The following DUSP22 variants were observed in gnomAD, a reference collection of about 807,000 sequenced individuals.
The protein encoded by DUSP22 is dual specificity phosphatase 22.
In DUSP22, 24 loss-of-function variants were observed where a neutral mutation model predicts 24.5. The ratio of observed to expected loss-of-function variants is 0.98; its 90% CI spans 0.71 to 1.38. The LOEUF (loss-of-function observed/expected upper bound fraction) is 1.38. DUSP22 is among the 40% of genes most tolerant of loss of function. DUSP22 has a pLI of 0.00. For synonymous variants in DUSP22, 160 were observed against 106.4 expected (o/e 1.50, Z -3.10); for missense variants, 330 against 269.2 (o/e 1.23, Z -1.58).
Position 350,616 on chromosome 6 carries a change from A to G in DUSP22, c.*1665A>G, listed in dbSNP as rs958141907. ...CCCGGAAAGGGGAGTGTGGCTGTAG[A>G]ATCATCCATCCGTCTACAGCTAAAA... On this transcript the variant is annotated 3_prime_UTR_variant, in exon 7 of 7. Transcript: ENST00000419235. The G allele has an allele frequency of 4.8e-6, 7 of 1,448,538 alleles. No homozygotes were observed. The highest frequency in any genetic ancestry group is 6.3e-6 in the Non-Finnish European group (7 of 1,103,310). 89.7% of individuals were successfully genotyped at this position (1,448,538 alleles called of 1,614,324 possible). A position where few individuals can be genotyped will look rare whatever the true frequency, so the allele number is the denominator to read the frequency against.
intron 5 of DUSP22, among the ~76,000 whole-genome samples, chr6:347,478 G>T (rs1050112079): frequency 6.6e-6 from 1 of 152,304 alleles, no homozygotes; most frequent in African/African-American, 2.4e-5. Context: ...TGTAAAACGG[G>T]TCTCACTCAG....
At chr6:295,861 AT>A (rs1757304286) in intron 1 of DUSP22, among the ~76,000 whole-genome samples, 1 of 151,020 alleles carries the variant, frequency 6.6e-6, no homozygotes, top group African/African-American at 2.4e-5. Context: ...TTAACACTTT[AT>A]AAAATCTCAG....
chr6:342,221 G>A (rs1246933465), intron 4 of DUSP22, among the ~76,000 whole-genome samples: 2 of 152,418 alleles, frequency 1.3e-5, no homozygotes, highest in Non-Finnish European at 2.9e-5. Context: ...ATTTACTCAG[G>A]CGGTCGTCAT....
intron 3 of DUSP22, among the ~76,000 whole-genome samples, chr6:334,171 G>A (rs1759263627): frequency 6.6e-6 from 1 of 152,304 alleles, no homozygotes; most frequent in Non-Finnish European, 1.5e-5. Context: ...ATTCTCCAAG[G>A]TTGGCTACTT....
intron 2 of DUSP22, among the ~76,000 whole-genome samples, chr6:309,807 T>C (rs1757990003): frequency 1.3e-5 from 2 of 152,426 alleles, no homozygotes; most frequent in Middle Eastern, 6.8e-3. Flanking sequence ...CTGCCATGTG[T>C]TTGTCTCTGC....
intron 3 of DUSP22, among the ~76,000 whole-genome samples, chr6:328,978 C>G (rs1292706513): frequency 6.6e-6 from 1 of 152,304 alleles, no homozygotes; most frequent in Non-Finnish European, 1.5e-5. Context: ...ATAATTTCTA[C>G]AAATGTTATG....
At chr6:293,379 A>G (rs1328405189) in intron 1 of DUSP22, among the ~76,000 whole-genome samples, 3 of 152,282 alleles carry the variant, frequency 2.0e-5, no homozygotes, top group African/African-American at 4.8e-5. Context: ...GTTACTTGGT[A>G]CTTGGCTGGT....
At chr6:323,335 T>G (rs1758698827) in intron 3 of DUSP22, among the ~76,000 whole-genome samples, 1 of 152,306 alleles carries the variant, frequency 6.6e-6, no homozygotes, top group East Asian at 1.9e-4. Flanking sequence ...TCACCGCAGC[T>G]ACTGCCAGCG....
At chr6:322,201 A>G (rs564705487) in intron 3 of DUSP22, among the ~76,000 whole-genome samples, 2 of 152,428 alleles carry the variant, frequency 1.3e-5, no homozygotes, top group South Asian at 4.1e-4. Flanking sequence ...AAATAAAACC[A>G]TGGGAGAAAA....
At chr6:343,029 G>A (rs941798453) in intron 4 of DUSP22, among the ~76,000 whole-genome samples, 10 of 150,008 alleles carry the variant, frequency 6.7e-5, no homozygotes, top group African/African-American at 1.0e-4. Flanking sequence ...GGCTCCCTTC[G>A]TGCCCCACTC....
chr6:322,661 G>A (rs1386085958), intron 3 of DUSP22, among the ~76,000 whole-genome samples: 1 of 152,308 alleles, frequency 6.6e-6, no homozygotes, highest in Non-Finnish European at 1.5e-5. Flanking sequence ...AACAACCAAG[G>A]AGAATATCCG....
rs879311729 is a variant in DUSP22 at position 349,105 on chromosome 6, C to G, written c.*154C>G. On this transcript the variant is annotated 3_prime_UTR_variant, in exon 7 of 7. Coordinates refer to ENST00000419235, the MANE Select transcript of DUSP22 (RefSeq NM_001286555.3). ...TTCCCCCAAGCAACACCGCCCAGCC[C>G]TGCTCCAGGCCCCTGCACTCCGCCC... The G allele has an allele frequency of 2.7e-4, 392 of 1,453,710 alleles. No homozygotes were observed. The highest frequency in any genetic ancestry group is 3.4e-4 in the Non-Finnish European group (374 of 1,108,688). The allele number at this position is 1,453,710 out of a possible 1,614,324, so 90.1% of individuals were successfully genotyped here.
At position 348,438 on chromosome 6, in the gene DUSP22, T is replaced by C. The variant is rs1223950903; in HGVS notation, c.435+164T>C. The C allele has an allele frequency of 2.5e-6, 3 of 1,194,682 alleles. No individual in the cohort carries two copies. The East Asian group carries it at 7.6e-5, about 30-fold the overall frequency. 74.0% of individuals were successfully genotyped at this position (1,194,682 alleles called of 1,614,324 possible). A position where few individuals can be genotyped will look rare whatever the true frequency, so the allele number is the denominator to read the frequency against. ...TGCACCCCTTCAGAAGTCGTCACGA[T>C]CCCTCGTGCACCTGTTGAAGCCACA... On this transcript the variant is annotated intron_variant, in intron 6 of 6. Transcript: ENST00000419235.
intron 1 of DUSP22, among the ~76,000 whole-genome samples, chr6:293,254 C>T (rs1385134627): frequency 2.0e-5 from 3 of 152,288 alleles, no homozygotes; most frequent in Non-Finnish European, 4.4e-5. Context: ...TTGCCCGCAC[C>T]TCACTTCCCG....
At chr6:335,778 G>A (rs1404051775) in intron 4 of DUSP22, among the ~76,000 whole-genome samples, 3 of 152,308 alleles carry the variant, frequency 2.0e-5, no homozygotes, top group Admixed American at 6.5e-5. Flanking sequence ...TGTTTCCAGG[G>A]CTTGAGAACC....
chr6:349,164 C>T lies in DUSP22; in HGVS notation c.*213C>T, dbSNP rs1385848501. 3 of 1,433,816 alleles carry T rather than the reference C, an allele frequency of 2.1e-6. No individual in the cohort carries two copies. The highest frequency in any genetic ancestry group is 1.4e-5 in the African/African-American group (1 of 69,702). The allele number at this position is 1,433,816 out of a possible 1,614,324, so 88.8% of individuals were successfully genotyped here. ...CCTGGCTGCACCTGAGCTTGCTGCCCCTGGGGATGTTGCCCAGTGGCTGTG... is the reference window on the plus strand; with the variant it reads ...CCTGGCTGCACCTGAGCTTGCTGCCTCTGGGGATGTTGCCCAGTGGCTGTG... On this transcript the variant is annotated 3_prime_UTR_variant, in exon 7 of 7. Coordinates refer to ENST00000419235, the MANE Select transcript of DUSP22 (RefSeq NM_001286555.3).
chr6:314,897 T>C (rs1758272526), intron 3 of DUSP22, among the ~76,000 whole-genome samples: 1 of 152,304 alleles, frequency 6.6e-6, no homozygotes, highest in South Asian at 2.1e-4. Context: ...GGGTAATTTG[T>C]TGGGGGTTGG....
At chr6:346,317 T>C (rs1759869451) in intron 5 of DUSP22, among the ~76,000 whole-genome samples, 1 of 152,302 alleles carries the variant, frequency 6.6e-6, no homozygotes, top group African/African-American at 2.4e-5. Flanking sequence ...CTGTTGTTTT[T>C]TCTTCAGGAG....
In DUSP22 at chr6:349,729, C is replaced by T; in HGVS notation, c.*778C>T. The T allele has an allele frequency of 1.0e-6, 1 of 986,222 alleles. No individual in the cohort carries two copies. Among genetic ancestry groups the T allele is most frequent in the Non-Finnish European group, 1.2e-6 (1 of 830,462 alleles). 61.1% of individuals were successfully genotyped at this position (986,222 alleles called of 1,614,324 possible). On this transcript the variant is annotated 3_prime_UTR_variant, in exon 7 of 7. Transcript: ENST00000419235. The stretch of plus-strand genomic sequence containing the variant: ...TTGCCTCCATCTCAATGTGAATGCA[C>T]CAGGCTGAGGGTTCCCTAGCGCCTT...
Sources: gnomAD v4.1 joint callset for allele counts (sites outside exome capture counted in the v4.1 genomes callset) on GRCh38, gnomAD v4.1.1 for gene constraint, MANE v1.5 for transcripts, NCBI Gene and HGNC (gene_info 2026-07-23, HGNC 2026-07-21) for gene names.